The following ABCA12 variants were observed in gnomAD, a reference collection of about 807,000 sequenced individuals.
The protein encoded by ABCA12 is glucosylceramide transporter ABCA12.
In ABCA12, 156 loss-of-function variants were observed where a neutral mutation model predicts 293.5. The observed-to-expected ratio is 0.53, with a 90% confidence interval of 0.47 to 0.61. The LOEUF (loss-of-function observed/expected upper bound fraction) is 0.61. Among genes scored for constraint, ABCA12 ranks in the 20% least tolerant of loss-of-function variants. The pLI is 0.00. For synonymous variants in ABCA12, 1,063 were observed against 1,108.0 expected (o/e 0.96, Z 0.81); for missense variants, 2,797 against 3,090.2 (o/e 0.91, Z 2.25).
intron 2 of ABCA12, among the ~76,000 whole-genome samples, chr2:215,064,819 C>T (rs1701610655): frequency 6.6e-6 from 1 of 151,398 alleles, no homozygotes; most frequent in African/African-American, 2.4e-5. Context: ...ATTTTATTTT[C>T]TTCCTTTTGA....
intron 50 of ABCA12, among the ~76,000 whole-genome samples, chr2:214,941,757 C>CAGAG (rs1466960444): frequency 6.7e-6 from 1 of 150,000 alleles, no homozygotes; most frequent in Non-Finnish European, 1.5e-5. Context: ...TTTGTTTTAT[C>CAGAG]AGAGACTAGG....
intron 40 of ABCA12, 49 bp from the exon 41 acceptor site, chr2:214,958,503 CTT>C (rs766601518): frequency 1.5e-5 from 23 of 1,586,198 alleles, no homozygotes; most frequent in African/African-American, 2.7e-5. Context: ...TTTTGAAACT[CTT>C]TTCCTTTCAG....
chr2:214,961,944 G>A (rs1011226942), intron 39 of ABCA12: 14 of 152,128 alleles, frequency 9.2e-5, no homozygotes, highest in African/African-American at 3.4e-4. Flanking sequence ...CATACACTAT[G>A]ATGCCCAACA....
intron 2 of ABCA12, among the ~76,000 whole-genome samples, chr2:215,078,597 C>A (rs555099847): frequency 8.0e-4 from 122 of 152,300 alleles, no homozygotes; most frequent in African/African-American, 2.8e-3. Flanking sequence ...TCTACACCCA[C>A]AATGGAGAAT....
chr2:215,022,420 T>C (rs1188175026), intron 11 of ABCA12: 1 of 152,186 alleles, frequency 6.6e-6, no homozygotes, highest in African/African-American at 2.4e-5. Context: ...GGAGCAACAT[T>C]ATGGTCATTT....
chr2:215,009,815 A>T (rs976031187), intron 18 of ABCA12, among the ~76,000 whole-genome samples: 2 of 152,208 alleles, frequency 1.3e-5, no homozygotes, highest in Non-Finnish European at 2.9e-5. Flanking sequence ...GGGAAATACT[A>T]TTATGGTTAA....
chr2:214,940,345 A>G (rs1214016344), intron 50 of ABCA12, among the ~76,000 whole-genome samples: 5 of 152,196 alleles, frequency 3.3e-5, no homozygotes, highest in African/African-American at 9.6e-5. Flanking sequence ...GCTTTTTGAT[A>G]TGCAGCTGGA....
At chr2:215,020,026 T>G (rs1396010495) in intron 11 of ABCA12, among the ~76,000 whole-genome samples, 1 of 152,198 alleles carries the variant, frequency 6.6e-6, no homozygotes. Flanking sequence ...AGACCTGTCT[T>G]TCTCTGTGGA....
intron 45 of ABCA12, among the ~76,000 whole-genome samples, chr2:214,949,396 A>G (rs543047942): frequency 5.3e-4 from 81 of 151,738 alleles, no homozygotes; most frequent in African/African-American, 1.9e-3. Flanking sequence ...ACACACACAC[A>G]CACACACAGG....
intron 36 of ABCA12, among the ~76,000 whole-genome samples, chr2:214,971,404 T>G (rs1470378029): frequency 1.3e-5 from 2 of 152,156 alleles, no homozygotes; most frequent in Non-Finnish European, 2.9e-5. Context: ...CTGTACTGCC[T>G]GATGAATTTT....
In ABCA12 at chr2:214,983,737, C is replaced by G; in HGVS notation, c.4292G>C (p.Ser1431Thr). ...AAGGTGCTCCTTAGTAGTGAGGTAA[C>G]TGAACAAGACGTCGTGCTGCATACA... is the stretch of plus-strand genomic sequence containing the variant. ...GVCMQHDVLF[S>T]YLTTKEHLLL... Residue 1431 changes from serine to threonine, a missense_variant, in exon 29 of 53, where the codon AGT becomes ACT. Ser to Thr is a moderately conservative substitution (Grantham distance 58). Coordinates refer to ENST00000272895, the MANE Select transcript of ABCA12 (RefSeq NM_173076.3). 1.9e-6 allele frequency: 3 copies of G among 1,614,122 alleles called. No individual in the cohort carries two copies. Among genetic ancestry groups the G allele is most frequent in the Non-Finnish European group, 1.7e-6 (2 of 1,180,002 alleles).
At chr2:214,977,720 G>A (rs1287439876) in intron 33 of ABCA12, among the ~76,000 whole-genome samples, 4 of 151,984 alleles carry the variant, frequency 2.6e-5, no homozygotes, top group Non-Finnish European at 5.9e-5. Context: ...ATTGGGGGAG[G>A]AAATCTACTA....
rs1702428236 is a variant in ABCA12, at chr2:215,104,761, CCT to C, written c.163+6834_163+6835del. On this transcript the variant is annotated intron_variant, in intron 2 of 52. Transcript: ENST00000272895. Reference sequence around the variant, plus strand: ...AAGCAAGAAGCAGGCTGTTAATGCTCCTACACAAAAAATCTCTCCTACATATT... The same window carrying C: ...AAGCAAGAAGCAGGCTGTTAATGCTCACACAAAAAATCTCTCCTACATATT... 3.3e-5 allele frequency among the ~76,000 whole-genome samples: 5 copies of C among 152,252 alleles called. No homozygotes were observed. The East Asian group carries it at 9.7e-4, about 29-fold the overall frequency.
chr2:215,135,051 C>T (rs1169760066), intron 1 of ABCA12, among the ~76,000 whole-genome samples: 1 of 152,150 alleles, frequency 6.6e-6, no homozygotes, highest in African/African-American at 2.4e-5. Flanking sequence ...CAACCTCCAC[C>T]TCCCAGGTTC....
At chr2:215,024,883 A>G (rs1273839017) in intron 11 of ABCA12, among the ~76,000 whole-genome samples, 1 of 152,182 alleles carries the variant, frequency 6.6e-6, no homozygotes, top group Non-Finnish European at 1.5e-5. Flanking sequence ...TGCATGAGAT[A>G]AAGAATAATA....
Position 214,995,672 on chromosome 2 carries a change from T to G in ABCA12, c.3294+2023A>C, listed in dbSNP as rs546691743. 3.3e-5 allele frequency among the ~76,000 whole-genome samples: 5 copies of G among 152,178 alleles called. No individual in the cohort carries two copies. In the South Asian group the frequency reaches 1.0e-3, roughly 32 times the overall value. Reference sequence around the variant, plus strand: ...GGAGGCACTAGGGACATCCCACTCCTTCCACGCTCACCTCCATCAATTCAT... The same window carrying G: ...GGAGGCACTAGGGACATCCCACTCCGTCCACGCTCACCTCCATCAATTCAT... On this transcript the variant is annotated intron_variant, in intron 23 of 52. Coordinates refer to ENST00000272895, the MANE Select transcript of ABCA12 (RefSeq NM_173076.3).
In ABCA12 at chr2:214,965,625, A is replaced by G. The variant is rs549620440; in HGVS notation, c.5884+1223T>C. Among the ~76,000 whole-genome samples, 15 of 152,298 alleles carry G rather than the reference A, an allele frequency of 9.8e-5. 1 individual carries two copies. The South Asian group carries it at 2.9e-3, about 29-fold the overall frequency. On this transcript the variant is annotated intron_variant, in intron 39 of 52. Coordinates refer to ENST00000272895, the MANE Select transcript of ABCA12 (RefSeq NM_173076.3). ...CATACATGCAGCCAATAAACACATG[A>G]AAAAAAGCTCAACATCACTCATCAT... is the stretch of plus-strand genomic sequence containing the variant.
intron 1 of ABCA12, among the ~76,000 whole-genome samples, chr2:215,132,905 T>C (rs1313844546): frequency 2.0e-5 from 3 of 152,064 alleles, no homozygotes; most frequent in Non-Finnish European, 2.9e-5. Context: ...TGAAAATTTC[T>C]TGTAGGACCA....
chr2:215,036,754 A>G (rs1303489442), intron 8 of ABCA12, among the ~76,000 whole-genome samples, 199 bp downstream of exon 8: 1 of 152,128 alleles, frequency 6.6e-6, no homozygotes, highest in Non-Finnish European at 1.5e-5. Flanking sequence ...AAAACCCTAG[A>G]AAGCCACAGT....
Sources: gnomAD v4.1 joint callset for allele counts (sites outside exome capture counted in the v4.1 genomes callset) on GRCh38, gnomAD v4.1.1 for gene constraint, MANE v1.5 for transcripts, NCBI Gene and HGNC (gene_info 2026-07-23, HGNC 2026-07-21) for gene names.